The following LAPTM5 variants were observed in gnomAD, a reference collection of about 807,000 sequenced individuals.
The protein encoded by LAPTM5 is lysosomal-associated transmembrane protein 5.
LAPTM5 carries 11 observed loss-of-function variants against 30.1 expected under a neutral mutation model. The observed-to-expected ratio is 0.37, with a 90% CI of 0.23 to 0.60. LAPTM5 has a LOEUF of 0.60. LAPTM5 is among the 20% of genes least tolerant of loss of function. The probability of loss-of-function intolerance (pLI) is 0.71; values close to 1 mark genes in which losing one functional copy is unlikely to be tolerated. For missense variants in LAPTM5, 324 were observed against 332.5 expected (o/e 0.97, Z 0.20); for synonymous variants, 151 against 137.9 (o/e 1.10, Z -0.67).
intron 5 of LAPTM5, 60 bp downstream of exon 5, chr1:30,738,880 A>G: frequency 6.5e-7 from 1 of 1,538,740 alleles, no homozygotes; most frequent in Non-Finnish European, 8.8e-7. Context: ...AGAGACGTGA[A>G]GTAACCTGTT....
intron 1 of LAPTM5, among the ~76,000 whole-genome samples, chr1:30,743,536 A>G (rs76985979): frequency 0.02 from 2,999 of 152,224 alleles, 108 homozygotes; most frequent in African/African-American, 0.068. Context: ...GCCATGGGGA[A>G]CTCACAACCT....
In LAPTM5 at chr1:30,739,008, T is replaced by A. The variant is rs1639929442; in HGVS notation, c.442A>T (p.Ile148Phe). 1 of 1,607,734 alleles carries A rather than the reference T, an allele frequency of 6.2e-7. No homozygotes were observed. The highest frequency in any genetic ancestry group is 1.3e-5 in the African/African-American group (1 of 74,962). The change falls in exon 5 of 8, where the codon ATC (isoleucine) becomes TTC (phenylalanine). Residue 148 changes from isoleucine (I) to phenylalanine (F), a missense_variant. By Grantham distance (21) the Ile-to-Phe change is conservative. Coordinates refer to ENST00000294507, the MANE Select transcript of LAPTM5 (RefSeq NM_006762.3). This position sits in a 1 kb window ranked among gnomAD's most constrained non-coding sequence, Gnocchi z 4.2. The part of the protein sequence containing the change: ...TLQLLDFCLS[I>F]LTLCSSYMEV... ...ATGTAGGAGCTGCAGAGGGTCAGGA[T>A]GCTCAGGCAGAAGTCCAGCAGCTGC...
rs1640232954 is a variant in LAPTM5 at position 30,757,734 on chromosome 1, G to A, written c.12C>T (p.Arg4=). ...AGCAGGTCTGGCGGACAGTGGACAA[G>A]CGGGGGTCCATGGTGCTGCCGTCCC... MDP[R]LSTVRQTCCC... Residue 4 remains arginine (R), a synonymous_variant, in exon 1 of 8, where the codon CGC becomes CGT. Coordinates refer to ENST00000294507, the MANE Select transcript of LAPTM5 (RefSeq NM_006762.3). 1 of 1,613,606 alleles carries A rather than the reference G, an allele frequency of 6.2e-7. No individual in the cohort carries two copies. The highest frequency in any genetic ancestry group is 1.7e-5 in the Admixed American group (1 of 59,996).
intron 1 of LAPTM5, among the ~76,000 whole-genome samples, chr1:30,750,226 T>C (rs1298742036): frequency 6.6e-6 from 1 of 152,136 alleles, no homozygotes; most frequent in Non-Finnish European, 1.5e-5. Flanking sequence ...CCTGTCATTC[T>C]CCACTTCCTA....
chr1:30,755,368 T>C (rs1449980945), intron 1 of LAPTM5, among the ~76,000 whole-genome samples: 1 of 151,978 alleles, frequency 6.6e-6, no homozygotes, highest in African/African-American at 2.4e-5. Flanking sequence ...ATATCAATGG[T>C]GCACTGCAGA....
chr1:30,736,287 G>A (rs1418934015), intron 6 of LAPTM5, among the ~76,000 whole-genome samples: 1 of 152,188 alleles, frequency 6.6e-6, no homozygotes, highest in Non-Finnish European at 1.5e-5. Flanking sequence ...GCCTCAGATG[G>A]AAGCAGGAGC....
chr1:30,737,638 A>G lies in LAPTM5; in HGVS notation c.572T>C (p.Phe191Ser). 6.2e-7 allele frequency: 1 copy of G among 1,613,826 alleles called. No individual in the cohort carries two copies. Among genetic ancestry groups the G allele is most frequent in the Non-Finnish European group, 8.5e-7 (1 of 1,179,826 alleles). ...HNQFIKMMII[F>S]SIAFITVLIF... Reference sequence around the variant, plus strand: ...AAGGACAGTGATGAAGGCGATGGAAAAGATGATCATCATCTTGATGAACTG... The same window carrying G: ...AAGGACAGTGATGAAGGCGATGGAAGAGATGATCATCATCTTGATGAACTG... The change falls in exon 6 of 8, where the codon TTT (phenylalanine) becomes TCT (serine). Residue 191 changes from phenylalanine to serine, a missense_variant. Transcript: ENST00000294507.
At chr1:30,740,556 T>A (rs1362474897) in intron 3 of LAPTM5, among the ~76,000 whole-genome samples, 1 of 151,980 alleles carries the variant, frequency 6.6e-6, no homozygotes, top group African/African-American at 2.4e-5. Flanking sequence ...ATGACCAGTA[T>A]TCATTCATAT....
Position 30,733,552 on chromosome 1 carries a change from G to A in LAPTM5, c.*276C>T, listed in dbSNP as rs376947062. On this transcript the variant is annotated 3_prime_UTR_variant, in exon 8 of 8. Coordinates refer to ENST00000294507, the MANE Select transcript of LAPTM5 (RefSeq NM_006762.3). ...CTCACCAACTTTAGAATGGCCAATC[G>A]TCTAAACAAGTGTCAGAGCTGATTG... 28 of 1,485,188 alleles carry A rather than the reference G, an allele frequency of 1.9e-5. No individual in the cohort carries two copies. The highest frequency in any genetic ancestry group is 5.6e-5 in the African/African-American group (4 of 71,970). 92.0% of individuals were successfully genotyped at this position (1,485,188 alleles called of 1,614,324 possible).
chr1:30,738,191 G>A (rs1242563646), intron 5 of LAPTM5, among the ~76,000 whole-genome samples: 2 of 152,204 alleles, frequency 1.3e-5, no homozygotes, highest in Non-Finnish European at 2.9e-5. Flanking sequence ...TCTAAAGGTG[G>A]TGTTTATTTC....
At chr1:30,734,232 G>A (rs1639856258) in intron 7 of LAPTM5, among the ~76,000 whole-genome samples, 1 of 152,162 alleles carries the variant, frequency 6.6e-6, no homozygotes, top group African/African-American at 2.4e-5. Context: ...CAGATCCAGC[G>A]AGGTGGCTGG....
intron 1 of LAPTM5, 125 bp from the exon 2 acceptor site, chr1:30,742,674 G>T: frequency 1.4e-6 from 1 of 704,172 alleles, no homozygotes; most frequent in Middle Eastern, 2.4e-4. Context: ...TGGCATGCCA[G>T]GTCAGTAGGG....
Position 30,739,139 on chromosome 1 carries a change from C to A in LAPTM5, c.388-77G>T. The stretch of plus-strand genomic sequence containing the variant: ...CAGTTACTGAGCGGCACATAGTAGG[C>A]CCTCACTTGAGAGACCGTCTCAGCT... On this transcript the variant is annotated intron_variant, in intron 4 of 7. Coordinates refer to ENST00000294507, the MANE Select transcript of LAPTM5 (RefSeq NM_006762.3). The surrounding 1 kb of genome is among the most constrained non-coding windows in gnomAD (Gnocchi z 4.2). 2 of 1,519,314 alleles carry A rather than the reference C, an allele frequency of 1.3e-6. No homozygotes were observed. Among genetic ancestry groups the A allele is most frequent in the Non-Finnish European group, 1.8e-6 (2 of 1,125,724 alleles). The allele number at this position is 1,519,314 out of a possible 1,614,324, so 94.1% of individuals were successfully genotyped here.
chr1:30,751,200 C>T (rs1228712792), intron 1 of LAPTM5, among the ~76,000 whole-genome samples: 1 of 152,244 alleles, frequency 6.6e-6, no homozygotes, highest in Non-Finnish European at 1.5e-5. Flanking sequence ...GGGGTTCACA[C>T]CCCTGAGGTG....
chr1:30,750,142 G>A (rs115594638), intron 1 of LAPTM5, among the ~76,000 whole-genome samples: 444 of 152,196 alleles, frequency 2.9e-3, no homozygotes, highest in Non-Finnish European at 4.4e-3. Flanking sequence ...TCTGGCTGGT[G>A]GTAGCTTATC....
intron 1 of LAPTM5, among the ~76,000 whole-genome samples, chr1:30,743,860 T>A (rs1236550473): frequency 6.9e-6 from 1 of 144,636 alleles, no homozygotes; most frequent in Non-Finnish European, 1.5e-5. Flanking sequence ...CCACATTACA[T>A]CCTGTTTAGG....
At chr1:30,738,752 T>C (rs1639925340) in intron 5 of LAPTM5, among the ~76,000 whole-genome samples, 188 bp downstream of exon 5, 1 of 152,222 alleles carries the variant, frequency 6.6e-6, no homozygotes, top group Non-Finnish European at 1.5e-5. Flanking sequence ...TTCTCGAACC[T>C]GCCTTCCTCA....
At position 30,738,946 on chromosome 1, in the gene LAPTM5, G is replaced by A. The variant is rs970384148; in HGVS notation, c.504C>T (p.Asn168=). 5 of 1,603,770 alleles carry A rather than the reference G, an allele frequency of 3.1e-6. No homozygotes were observed. The African/African-American group carries it at 4.0e-5, about 13-fold the overall frequency. Residue 168 remains asparagine (N), a synonymous_variant, in exon 5 of 8, where the codon AAC becomes AAT. Transcript: ENST00000294507. The stretch of plus-strand genomic sequence containing the variant: ...TTCCCTGCCCCAGACTCACCATGTG[G>A]TTCATGGACTTGAAGTTGAGATAGG... ...VPTYLNFKSM[N]HMNYLPSQED... is the part of the protein sequence containing the mutation.
intron 3 of LAPTM5, among the ~76,000 whole-genome samples, 193 bp from the exon 4 acceptor site, chr1:30,740,130 A>G (rs927340083): frequency 2.0e-5 from 3 of 152,098 alleles, no homozygotes; most frequent in Non-Finnish European, 4.4e-5. Flanking sequence ...GAATGAGAGG[A>G]GTCTTGGTGT....
Sources: gnomAD v4.1 joint callset for allele counts (sites outside exome capture counted in the v4.1 genomes callset) on GRCh38, gnomAD v4.1.1 for gene constraint, Gnocchi (gnomAD v3.1) non-coding constraint, MANE v1.5 for transcripts, NCBI Gene and HGNC (gene_info 2026-07-23, HGNC 2026-07-21) for gene names.